PACRGL: variants seen among roughly 807,000 people sequenced by gnomAD.
The protein encoded by PACRGL is PACRG-like protein.
PACRGL carries 38 observed loss-of-function variants against 34.5 expected under a neutral mutation model. The ratio of observed to expected loss-of-function variants is 1.10; its 90% CI spans 0.85 to 1.44. PACRGL has a LOEUF of 1.44. PACRGL is among the 40% of genes most tolerant of loss of function. The probability of loss-of-function intolerance (pLI) is 0.00; values close to 1 mark genes in which losing one functional copy is unlikely to be tolerated. For synonymous variants in PACRGL, 128 were observed against 100.1 expected, an observed-to-expected ratio of 1.28 and a Z score of -1.66; for missense variants, 305 against 281.4, an observed-to-expected ratio of 1.08 and a Z score of -0.60.
chr4:20,752,214 A>G (rs1753781017), intron 8 of PACRGL, among the ~76,000 whole-genome samples: 1 of 152,010 alleles, frequency 6.6e-6, no homozygotes, highest in Admixed American at 6.6e-5. Flanking sequence ...ACCTGCCACC[A>G]TGCCCGGCGA....
intron 7 of PACRGL, among the ~76,000 whole-genome samples, chr4:20,722,755 C>T (rs1294524654): frequency 6.6e-6 from 1 of 150,920 alleles, no homozygotes; most frequent in East Asian, 1.9e-4. Context: ...TCCAGGAGGA[C>T]ATTCCAAGAG....
chr4:20,762,555 C>G, the PACRGL span, among the ~76,000 whole-genome samples: 1 of 152,192 alleles, frequency 6.6e-6, no homozygotes, highest in Admixed American at 6.5e-5. Flanking sequence ...TTCACCTCTT[C>G]TGTGCAGTGA....
At chr4:20,726,125 A>T (rs1011895135) in intron 8 of PACRGL, among the ~76,000 whole-genome samples, 1 of 152,084 alleles carries the variant, frequency 6.6e-6, no homozygotes, top group Non-Finnish European at 1.5e-5. Context: ...GACAAGTAGA[A>T]AGGGACAGGC....
intron 7 of PACRGL, among the ~76,000 whole-genome samples, chr4:20,723,721 TG>T (rs1276313960): frequency 6.6e-6 from 1 of 152,188 alleles, no homozygotes; most frequent in Admixed American, 6.5e-5. Context: ...CTCAGAGCTC[TG>T]CTTTTCCTAG....
intron 8 of PACRGL, among the ~76,000 whole-genome samples, chr4:20,752,050 A>G (rs1034103799): frequency 7.7e-6 from 1 of 130,598 alleles, no homozygotes; most frequent in Admixed American, 9.5e-5. Context: ...TATGTACTTC[A>G]TAGAGTTTTT....
At chr4:20,752,148 T>G (rs1406710148) in intron 8 of PACRGL, among the ~76,000 whole-genome samples, 1 of 139,842 alleles carries the variant, frequency 7.2e-6, no homozygotes, top group Non-Finnish European at 1.5e-5. Context: ...AGCCTCCACC[T>G]CCTGGGTTCA....
intron 8 of PACRGL, among the ~76,000 whole-genome samples, chr4:20,751,827 T>C (rs1342343373): frequency 6.6e-6 from 1 of 152,202 alleles, no homozygotes; most frequent in Non-Finnish European, 1.5e-5. Flanking sequence ...GACATCCTGT[T>C]CTTCTAAATG....
chr4:20,709,585 C>T, intron 4 of PACRGL, 98 bp from the exon 5 acceptor site: 2 of 732,078 alleles, frequency 2.7e-6, no homozygotes, highest in Non-Finnish European at 4.4e-6. Context: ...CTACATGTTA[C>T]AAAATAAATC....
rs1028768164 is a variant in PACRGL at position 20,727,455 on chromosome 4, A to G, written c.*114A>G. 3 of 835,660 alleles carry G rather than the reference A, an allele frequency of 3.6e-6. No individual in the cohort carries two copies. In the East Asian group the frequency reaches 7.6e-5, roughly 21 times the overall value. The allele number at this position is 835,660 out of a possible 1,614,324, so 51.8% of individuals were successfully genotyped here. On this transcript the variant is annotated 3_prime_UTR_variant, in exon 9 of 9. Transcript: ENST00000503585. Reference sequence around the variant, plus strand: ...TCACAGCCACCATTCATTATTTACTAGGTTAAGATGAATAGACACTGAATC... The same window carrying G: ...TCACAGCCACCATTCATTATTTACTGGGTTAAGATGAATAGACACTGAATC...
chr4:20,718,258 C>T (rs1741133537), intron 7 of PACRGL, among the ~76,000 whole-genome samples: 1 of 152,160 alleles, frequency 6.6e-6, no homozygotes, highest in African/African-American at 2.4e-5. Flanking sequence ...TCTAGATATA[C>T]AATCATGTCA....
intron 7 of PACRGL, among the ~76,000 whole-genome samples, chr4:20,723,298 A>G (rs1347373518): frequency 2.0e-5 from 3 of 152,212 alleles, no homozygotes; most frequent in Non-Finnish European, 4.4e-5. Context: ...CAGTCGTTTA[A>G]TAATAATCTC....
Position 20,732,181 on chromosome 4 carries a change from C to T in PACRGL, c.*4840C>T, listed in dbSNP as rs555565194. On this transcript the variant is annotated 3_prime_UTR_variant, in exon 9 of 9. Coordinates refer to ENST00000503585, the MANE Select transcript of PACRGL (RefSeq NM_001258345.3). ...AAAACCTAGCTGCTTATTTATTTCA[C>T]GTGGAGGAACTGTTTCAGAGCAGGA... 1.8e-4 allele frequency: 127 copies of T among 711,150 alleles called. No homozygotes were observed. Among genetic ancestry groups the T allele is most frequent in the Non-Finnish European group, 2.1e-4 (89 of 421,756 alleles). 44.1% of individuals were successfully genotyped at this position (711,150 alleles called of 1,614,324 possible).
chr4:20,699,356 A>C (rs545096131), upstream of PACRGL, among the ~76,000 whole-genome samples: 4 of 152,336 alleles, frequency 2.6e-5, no homozygotes, highest in Admixed American at 2.6e-4. Flanking sequence ...CATTATAATA[A>C]ATTTTAAAAC....
At chr4:20,726,510 T>C (rs1380361617) in intron 8 of PACRGL, among the ~76,000 whole-genome samples, 1 of 152,200 alleles carries the variant, frequency 6.6e-6, no homozygotes, top group Non-Finnish European at 1.5e-5. Flanking sequence ...ATTATTGTGC[T>C]AATTTCTGTT....
Position 20,731,874 on chromosome 4 carries a change from T to A in PACRGL, c.*4533T>A. On this transcript the variant is annotated 3_prime_UTR_variant, in exon 9 of 9. Transcript: ENST00000503585. ...TGTTTTCAGAGTGGTAGGCTTATGC[T>A]GCATGTTGTAGAAGTGGTAAACTTA... is the stretch of plus-strand genomic sequence containing the variant. 1 of 1,449,066 alleles carries A rather than the reference T, an allele frequency of 6.9e-7. No homozygotes were observed. The highest frequency in any genetic ancestry group is 9.1e-7 in the Non-Finnish European group (1 of 1,100,456). The allele number at this position is 1,449,066 out of a possible 1,614,324, so 89.8% of individuals were successfully genotyped here.
chr4:20,724,136 A>G (rs772912531), intron 7 of PACRGL, among the ~76,000 whole-genome samples: 15 of 152,112 alleles, frequency 9.9e-5, no homozygotes, highest in Non-Finnish European at 1.5e-4. Flanking sequence ...CTGAGCTGCA[A>G]ATGTATGGGA....
intron 8 of PACRGL, among the ~76,000 whole-genome samples, chr4:20,745,083 G>C (rs1179716359): frequency 6.6e-6 from 1 of 152,118 alleles, no homozygotes; most frequent in East Asian, 1.9e-4. Context: ...TTCTTTCCTT[G>C]CTCAACAGGA....
intron 8 of PACRGL, among the ~76,000 whole-genome samples, chr4:20,745,066 G>A (rs533336590): frequency 2.6e-5 from 4 of 152,322 alleles, no homozygotes; most frequent in African/African-American, 9.6e-5. Context: ...GTAGGACAGA[G>A]ATGTGCTTCT....
At chr4:20,738,706 C>T (rs1750300061) in intron 8 of PACRGL, among the ~76,000 whole-genome samples, 1 of 152,228 alleles carries the variant, frequency 6.6e-6, no homozygotes, top group Non-Finnish European at 1.5e-5. Flanking sequence ...TCTGCATTTC[C>T]AACTGAGGTA....
Sources: gnomAD v4.1 joint callset for allele counts (sites outside exome capture counted in the v4.1 genomes callset) on GRCh38, gnomAD v4.1.1 for gene constraint, MANE v1.5 for transcripts, NCBI Gene and HGNC (gene_info 2026-07-23, HGNC 2026-07-21) for gene names.